Variants in ADGRG4 observed in about 807,000 individuals in gnomAD.
ADGRG4 encodes the protein G protein-coupled receptor 112.
ADGRG4 carries 122 observed loss-of-function variants against 126.2 expected under a neutral mutation model. That is an observed-to-expected ratio of 0.97 (90% CI 0.83 to 1.12). The LOEUF is 1.12. Among genes scored for constraint, ADGRG4 ranks in the 50% most tolerant of loss-of-function variants. The probability of loss-of-function intolerance (pLI) is 0.00; values close to 1 mark genes in which losing one functional copy is unlikely to be tolerated. For synonymous variants in ADGRG4, 943 were observed against 838.7 expected, an observed-to-expected ratio of 1.12 and a Z score of -2.15; for missense variants, 2,481 against 2,251.8, an observed-to-expected ratio of 1.10 and a Z score of -2.06.
chrX:136,380,649 TTCCTCC>T (rs1199723751), intron 15 of ADGRG4, among the ~76,000 whole-genome samples: 3 of 66,439 alleles, frequency 4.5e-5, no homozygotes. Context: ...CTTCTTCTTC[TTCCTCC>T]TCCTCCTCCT....
chrX:136,347,912 T>C lies in ADGRG4; in HGVS notation c.4206T>C (p.Tyr1402=). ...TGGAAATGATAGTAAACTCCACCTA[T>C]GTGACTCACTCTGTCTCATATGGCC... The part of the protein sequence containing the change: ...RTVEMIVNST[Y]VTHSVSYGQD... The change falls in exon 6 of 26, where the codon TAT becomes TAC. Residue 1402 remains tyrosine, a synonymous_variant. Transcript: ENST00000394143. 8.3e-7 allele frequency: 1 copy of C among 1,209,142 alleles called. No individual in the cohort carries two copies. The highest frequency in any genetic ancestry group is 1.1e-6 in the Non-Finnish European group (1 of 893,035).
Position 136,383,813 on chromosome X carries a change from C to CCTTTCTTTCTTT in ADGRG4, c.7777-3875_7777-3864dup, listed in dbSNP as rs373849599. On this transcript the variant is annotated intron_variant, in intron 15 of 25. Transcript: ENST00000394143. ...CTGACTCTTTAATTATATATATTTGCCTTTCTTTCTTTCTTTCTTTCTTTC... is the reference window on the plus strand; with the variant it reads ...CTGACTCTTTAATTATATATATTTGCCTTTCTTTCTTTCTTTCTTTCTTTCTTTCTTTCTTTC... 7.5e-3 allele frequency among the ~76,000 whole-genome samples: 449 copies of CCTTTCTTTCTTT among 59,560 alleles called. 14 individuals carry two copies. The highest frequency in any genetic ancestry group is 0.024 in the Middle Eastern group (3 of 127). The allele number at this position is 59,560 out of a possible 115,157, so 51.7% of individuals were successfully genotyped here. A position where few individuals can be genotyped will look rare whatever the true frequency, so the allele number is the denominator to read the frequency against.
intron 16 of ADGRG4, among the ~76,000 whole-genome samples, chrX:136,388,416 C>T (rs1362822153): frequency 8.9e-6 from 1 of 112,206 alleles, no homozygotes; most frequent in East Asian, 2.8e-4. Context: ...CAGGGGCAGG[C>T]TGGTTGAATT....
chrX:136,346,452 G>A lies in ADGRG4; in HGVS notation c.2746G>A (p.Val916Met), dbSNP rs2075017935. Residue 916 changes from valine (V) to methionine (M), a missense_variant, in exon 6 of 26, where the codon GTG becomes ATG. By Grantham distance (21) the Val-to-Met change is conservative. Transcript: ENST00000394143. ...VRESWLLTKL[V>M]KTTPRSSYNE... ...AGAAAGTTGGCTTTTGACAAAATTG[G>A]TGAAAACCACACCTAGGAGTTCATA... is the stretch of plus-strand genomic sequence containing the variant. 8.3e-7 allele frequency: 1 copy of A among 1,209,817 alleles called. No homozygotes were observed. The highest frequency in any genetic ancestry group is 2.2e-5 in the Admixed American group (1 of 45,767).
At chrX:136,415,239 C>T (rs138437348) in intron 25 of ADGRG4, among the ~76,000 whole-genome samples, 108 of 111,541 alleles carry the variant, frequency 9.7e-4, no homozygotes, top group African/African-American at 3.5e-3. Context: ...TTTATGTTGG[C>T]TCCAAAAACC....
chrX:136,343,320 G>C (rs1365205406), intron 5 of ADGRG4, among the ~76,000 whole-genome samples: 1 of 111,028 alleles, frequency 9.0e-6, no homozygotes, highest in Non-Finnish European at 1.9e-5. Flanking sequence ...GTTGGAGAAT[G>C]TTGAGCTTGA....
chrX:136,348,241 A>C lies in ADGRG4; in HGVS notation c.4535A>C (p.Gln1512Pro). ...ATGGCAACGTCCACTCCTATTTACC[A>C]GATGTCCTCATTGCCAGTTAATGTA... ...SSMATSTPIY[Q>P]MSSLPVNVTA... Residue 1512 changes from glutamine (Q) to proline (P), a missense_variant, in exon 6 of 26, where the codon CAG (glutamine) becomes CCG (proline). Coordinates refer to ENST00000394143, the MANE Select transcript of ADGRG4 (RefSeq NM_153834.4). 2 of 1,210,968 alleles carry C rather than the reference A, an allele frequency of 1.7e-6. No individual in the cohort carries two copies. Among genetic ancestry groups the C allele is most frequent in the Non-Finnish European group, 2.2e-6 (2 of 894,858 alleles).
In ADGRG4 at chrX:136,322,893, A is replaced by G. The variant is rs751690682; in HGVS notation, c.186A>G (p.Val62=). The part of the protein sequence containing the change: ...LSRFTACIDL[V]FMDDNSRYWM... ...GATTCACAGCATGCATTGATCTGGTATTCATGGATGACAACTCAAGGTATT... is the reference window on the plus strand; with the variant it reads ...GATTCACAGCATGCATTGATCTGGTGTTCATGGATGACAACTCAAGGTATT... The change falls in exon 5 of 26, where the codon GTA becomes GTG. Residue 62 remains valine (V), a synonymous_variant. Coordinates refer to ENST00000394143, the MANE Select transcript of ADGRG4 (RefSeq NM_153834.4). 1 of 1,211,946 alleles carries G rather than the reference A, an allele frequency of 8.3e-7. No homozygotes were observed. The highest frequency in any genetic ancestry group is 1.1e-6 in the Non-Finnish European group (1 of 895,455).
Position 136,344,756 on chromosome X carries a change from C to T in ADGRG4, c.1050C>T (p.Ser350=). 1 of 1,210,012 alleles carries T rather than the reference C, an allele frequency of 8.3e-7. No individual in the cohort carries two copies. The highest frequency in any genetic ancestry group is 1.1e-6 in the Non-Finnish European group (1 of 894,473). Reference sequence around the variant, plus strand: ...AAACGAAATCTCCATCTTCAGAAAGCACAAAGACAACAAAAATGGTTGAAG... The same window carrying T: ...AAACGAAATCTCCATCTTCAGAAAGTACAAAGACAACAAAAATGGTTGAAG... ...MKKTKSPSSE[S]TKTTKMVEAM... The change falls in exon 6 of 26, where the codon AGC becomes AGT. Residue 350 remains serine, a synonymous_variant. Transcript: ENST00000394143.
intron 4 of ADGRG4, among the ~76,000 whole-genome samples, chrX:136,310,995 G>A (rs1034891999): frequency 2.7e-4 from 30 of 110,820 alleles, no homozygotes; most frequent in African/African-American, 8.5e-4. Context: ...GGAGGCTGAG[G>A]GTTCAAGATC....
At chrX:136,323,541 C>A in intron 5 of ADGRG4, 149 bp downstream of exon 5, 1 of 428,873 alleles carries the variant, frequency 2.3e-6, no homozygotes, top group African/African-American at 2.6e-5. Flanking sequence ...GATATGATTT[C>A]AAACTTATAG....
At chrX:136,380,652 C>CTCCTCCTCCTCCTCCTCT (rs1235711534) in intron 15 of ADGRG4, among the ~76,000 whole-genome samples, 1 of 58,353 alleles carries the variant, frequency 1.7e-5, no homozygotes, top group Non-Finnish European at 3.4e-5. Flanking sequence ...CTTCTTCTTC[C>CTCCTCCTCCTCCTCCTCT]TCCTCCTCCT....
chrX:136,416,275 C>G (rs1316717213), intron 25 of ADGRG4, among the ~76,000 whole-genome samples, 179 bp from the exon 26 acceptor site: 1 of 111,473 alleles, frequency 9.0e-6, no homozygotes, highest in Non-Finnish European at 1.9e-5. Context: ...ACAGTGCTGT[C>G]AGGATGAATT....
intron 4 of ADGRG4, among the ~76,000 whole-genome samples, chrX:136,312,088 G>C (rs2074775459): frequency 9.0e-6 from 1 of 111,508 alleles, no homozygotes; most frequent in African/African-American, 3.3e-5. Context: ...TTCAAGAGTT[G>C]AGCTGTCCAA....
At chrX:136,377,140 C>A (rs1313664204) in intron 15 of ADGRG4, among the ~76,000 whole-genome samples, 1 of 102,322 alleles carries the variant, frequency 9.8e-6, no homozygotes, top group Admixed American at 1.0e-4. Context: ...TTTCAATGAG[C>A]AGTTTTTCAC....
Position 136,349,560 on chromosome X carries a change from T to C in ADGRG4, c.5854T>C (p.Ser1952Pro). The C allele has an allele frequency of 8.3e-7, 1 of 1,210,342 alleles. No homozygotes were observed. The highest frequency in any genetic ancestry group is 1.1e-6 in the Non-Finnish European group (1 of 894,563). Residue 1952 changes from serine to proline, a missense_variant, in exon 6 of 26, where the codon TCT becomes CCT. Ser to Pro is a moderately conservative substitution (Grantham distance 74). Transcript: ENST00000394143. ...MSGILPNHGL[S>P]ENPSLSTSLR... ...AGGAATTCTTCCTAACCATGGGCTT[T>C]CTGAGAACCCTTCATTATCAACATC...
Position 136,308,249 on chromosome X carries a change from G to GC in ADGRG4, c.-9-517dup, listed in dbSNP as rs758727058. 3.7e-4 allele frequency among the ~76,000 whole-genome samples: 42 copies of GC among 112,134 alleles called. No individual in the cohort carries two copies. The South Asian group carries it at 0.015, about 41-fold the overall frequency. On this transcript the variant is annotated intron_variant, in intron 3 of 25. Transcript: ENST00000394143. ...CTCCCAAGTAGCTGGGATTACAGGT[G>GC]CCCGCCAGCATGCCCAGATAATTTT...
chrX:136,350,845 A>G lies in ADGRG4; in HGVS notation c.6727+412A>G, dbSNP rs754870450. Among the ~76,000 whole-genome samples the G allele has an allele frequency of 3.6e-5, 4 of 110,922 alleles. No individual in the cohort carries two copies. The East Asian group carries it at 8.5e-4, about 24-fold the overall frequency. ...AAACACCAGAAAAAAACACCAGAAT[A>G]TATCTTATCTTGCCTTTTGGATTCC... is the stretch of plus-strand genomic sequence containing the variant. On this transcript the variant is annotated intron_variant, in intron 6 of 25. Coordinates refer to ENST00000394143, the MANE Select transcript of ADGRG4 (RefSeq NM_153834.4).
rs774032415 is a variant in ADGRG4, at chrX:136,387,760, T to C, written c.7797T>C (p.Pro2599=). The change falls in exon 16 of 26, where the codon CCT becomes CCC. Residue 2599 remains proline, a synonymous_variant. Transcript: ENST00000394143. ...TDPEIFLGNV[P]VGGILASIYL... Reference sequence around the variant, plus strand: ...GGCAGATTTTCCTAGGCAATGTCCCTGTGGGAGGGATTTTGGCTTCCATAT... The same window carrying C: ...GGCAGATTTTCCTAGGCAATGTCCCCGTGGGAGGGATTTTGGCTTCCATAT... 2.5e-6 allele frequency: 3 copies of C among 1,208,747 alleles called. No homozygotes were observed. The highest frequency in any genetic ancestry group is 2.2e-5 in the Admixed American group (1 of 45,765).
Sources: allele counts gnomAD v4.1 joint callset (sites outside exome capture counted in the v4.1 genomes callset), GRCh38; gene constraint gnomAD v4.1.1; transcripts MANE v1.5; gene names NCBI Gene and HGNC (gene_info 2026-07-23, HGNC 2026-07-21).